ZDHHC14: variants seen among roughly 807,000 people sequenced by gnomAD.
ZDHHC14 encodes palmitoyltransferase ZDHHC14.
Under a neutral mutation model 47.7 loss-of-function variants are expected in ZDHHC14, and 16 were observed. The observed-to-expected ratio is 0.34, with a 90% CI of 0.23 to 0.51. The LOEUF is 0.51. Ranked by LOEUF, ZDHHC14 falls within the 20% of genes least tolerant of loss-of-function variation. The pLI, the probability that ZDHHC14 is intolerant of heterozygous loss-of-function variation, is 0.97. For synonymous variants in ZDHHC14, 293 were observed against 278.9 expected (o/e 1.05, Z -0.50); for missense variants, 515 against 662.5 (o/e 0.78, Z 2.44).
intron 1 of ZDHHC14, among the ~76,000 whole-genome samples, chr6:157,438,434 C>A (rs1422454633): frequency 6.6e-6 from 1 of 152,164 alleles, no homozygotes; most frequent in African/African-American, 2.4e-5. Flanking sequence ...TTTGGAAGTA[C>A]AGAAAATCAG....
At chr6:157,632,781 CAGCATGA>C in intron 4 of ZDHHC14, 46 bp from the exon 5 acceptor site, 1 of 1,547,734 alleles carries the variant, frequency 6.5e-7, no homozygotes, top group African/African-American at 1.4e-5. Flanking sequence ...AGAGAGCATT[CAGCATGA>C]AGGCTGTTTC....
chr6:157,452,176 C>G (rs1420407698), intron 1 of ZDHHC14, among the ~76,000 whole-genome samples: 1 of 152,160 alleles, frequency 6.6e-6, no homozygotes, highest in Non-Finnish European at 1.5e-5. Context: ...TTTATAGTCT[C>G]TGACCTAAGT....
chr6:157,391,145 T>C (rs1175098479), intron 1 of ZDHHC14, among the ~76,000 whole-genome samples: 1 of 152,248 alleles, frequency 6.6e-6, no homozygotes, highest in Non-Finnish European at 1.5e-5. Context: ...GCTTGAAATC[T>C]GAGCCCTGGA....
rs548431420 is a variant in ZDHHC14, at chr6:157,664,388, T to C, written c.1069-8336T>C. On this transcript the variant is annotated intron_variant, in intron 8 of 8. Transcript: ENST00000359775. ...TACAGGACATTTTAGATATGTGGTATAGAGACTCTGGATTTTGTTATCTTA... is the reference window on the plus strand; with the variant it reads ...TACAGGACATTTTAGATATGTGGTACAGAGACTCTGGATTTTGTTATCTTA... Among the ~76,000 whole-genome samples, 3 of 152,370 alleles carry C rather than the reference T, an allele frequency of 2.0e-5. No homozygotes were observed. The East Asian group carries it at 5.8e-4, about 29-fold the overall frequency.
At chr6:157,598,665 A>G (rs1270733875) in intron 3 of ZDHHC14, among the ~76,000 whole-genome samples, 1 of 152,260 alleles carries the variant, frequency 6.6e-6, no homozygotes, top group African/African-American at 2.4e-5. Flanking sequence ...TAGAAAATGC[A>G]AAGGTAATTT....
chr6:157,481,834 C>G (rs995260754), intron 1 of ZDHHC14, among the ~76,000 whole-genome samples: 6 of 152,132 alleles, frequency 3.9e-5, no homozygotes, highest in African/African-American at 1.4e-4. Flanking sequence ...ATCTATCTGT[C>G]TACCTACCTA....
intron 2 of ZDHHC14, among the ~76,000 whole-genome samples, chr6:157,552,922 C>T (rs1309981353): frequency 1.3e-5 from 2 of 152,202 alleles, no homozygotes; most frequent in East Asian, 3.8e-4. Context: ...CCTCTCACAC[C>T]TCATTGTTAA....
In ZDHHC14 at chr6:157,677,465, G is replaced by A. The variant is rs1283282735; in HGVS notation, c.*4343G>A. On this transcript the variant is annotated 3_prime_UTR_variant, in exon 9 of 9. Transcript: ENST00000359775. ...GCCAAGATGGATTTTCACATGTAAG[G>A]TGTTAGTCCATTAATCCAGCCATTA... 1 of 151,878 alleles carries A rather than the reference G, an allele frequency of 6.6e-6. No homozygotes were observed. Among genetic ancestry groups the A allele is most frequent in the Non-Finnish European group, 1.5e-5 (1 of 67,992 alleles). The allele number at this position is 151,878 out of a possible 1,614,324, so 9.4% of individuals were successfully genotyped here.
chr6:157,399,044 G>C (rs1471376551), intron 1 of ZDHHC14, among the ~76,000 whole-genome samples: 2 of 152,354 alleles, frequency 1.3e-5, no homozygotes, highest in East Asian at 3.9e-4. Context: ...GAGGGGACCT[G>C]CATGACTGTT....
At position 157,635,005 on chromosome 6, in the gene ZDHHC14, T is replaced by C. The variant is rs534653548; in HGVS notation, c.752+2123T>C. Among the ~76,000 whole-genome samples, 124 of 151,126 alleles carry C rather than the reference T, an allele frequency of 8.2e-4. 1 individual carries two copies. Among genetic ancestry groups the C allele is most frequent in the African/African-American group, 2.0e-3 (83 of 40,980 alleles). Reference sequence around the variant, plus strand: ...TTGCTACCTGGTCTTTTTTTTTTTTTCCCCCTGAAACGGAGTCTCACTCTG... The same window carrying C: ...TTGCTACCTGGTCTTTTTTTTTTTTCCCCCCTGAAACGGAGTCTCACTCTG... On this transcript the variant is annotated intron_variant, in intron 5 of 8. Coordinates refer to ENST00000359775, the MANE Select transcript of ZDHHC14 (RefSeq NM_024630.3).
intron 1 of ZDHHC14, among the ~76,000 whole-genome samples, chr6:157,410,182 T>G (rs1177894732): frequency 6.6e-6 from 1 of 152,242 alleles, no homozygotes; most frequent in Non-Finnish European, 1.5e-5. Flanking sequence ...CCTTGTGGCT[T>G]CTGTCTGTGG....
intron 2 of ZDHHC14, among the ~76,000 whole-genome samples, chr6:157,580,469 C>T (rs1420599204): frequency 1.3e-5 from 2 of 152,084 alleles, no homozygotes. Flanking sequence ...AGGAATGGTA[C>T]CAGCTCTTTA....
chr6:157,429,737 C>G (rs904777529), intron 1 of ZDHHC14, among the ~76,000 whole-genome samples: 4 of 152,140 alleles, frequency 2.6e-5, no homozygotes, highest in Non-Finnish European at 5.9e-5. Context: ...TTTCATCTCT[C>G]AATATCATTC....
intron 8 of ZDHHC14, among the ~76,000 whole-genome samples, chr6:157,665,598 T>G (rs1276331922): frequency 6.6e-6 from 1 of 152,184 alleles, no homozygotes; most frequent in Non-Finnish European, 1.5e-5. Context: ...TATGCAATAC[T>G]TTAGAAATTA....
At chr6:157,646,431 T>A (rs1279313804) in intron 6 of ZDHHC14, 1 of 151,834 alleles carries the variant, frequency 6.6e-6, no homozygotes, top group African/African-American at 2.4e-5. Context: ...GCTAACACAG[T>A]GAAATCCCGT....
chr6:157,423,338 C>T (rs551156029), intron 1 of ZDHHC14, among the ~76,000 whole-genome samples: 1 of 152,252 alleles, frequency 6.6e-6, no homozygotes, highest in African/African-American at 2.4e-5. Context: ...CTTGAAAATC[C>T]TTTTCCTTTT....
chr6:157,428,393 G>A (rs1199151226), intron 1 of ZDHHC14, among the ~76,000 whole-genome samples: 1 of 152,104 alleles, frequency 6.6e-6, no homozygotes, highest in Admixed American at 6.5e-5. Flanking sequence ...TCTAAAATTA[G>A]CCTGTGAAAA....
chr6:157,621,991 C>T (rs989692888), intron 3 of ZDHHC14, among the ~76,000 whole-genome samples: 3 of 152,106 alleles, frequency 2.0e-5, no homozygotes, highest in African/African-American at 7.2e-5. Context: ...TGGATTATAG[C>T]GCCTACCCCC....
intron 1 of ZDHHC14, among the ~76,000 whole-genome samples, chr6:157,454,819 C>G (rs141714286): frequency 4.1e-4 from 63 of 152,240 alleles, no homozygotes; most frequent in African/African-American, 1.5e-3. Flanking sequence ...ACAGGCCAAG[C>G]AGTTATTTTC....
Sources: gnomAD v4.1 joint callset for allele counts (sites outside exome capture counted in the v4.1 genomes callset) on GRCh38, gnomAD v4.1.1 for gene constraint, MANE v1.5 for transcripts, NCBI Gene and HGNC (gene_info 2026-07-23, HGNC 2026-07-21) for gene names.